The following TNFSF4 variants were observed in gnomAD, a reference collection of about 807,000 sequenced individuals.
TNFSF4 encodes TNF superfamily member 4.
TNFSF4 carries 4 observed loss-of-function variants against 7.3 expected under a neutral mutation model. The ratio of observed to expected loss-of-function variants is 0.55; its 90% CI spans 0.27 to 1.25. The LOEUF (loss-of-function observed/expected upper bound fraction) is 1.25, where lower values mean the gene tolerates loss of function less well. Among genes scored for constraint, TNFSF4 ranks in the 50% most tolerant of loss-of-function variants. The pLI, the probability that TNFSF4 is intolerant of heterozygous loss-of-function variation, is 0.12. For missense variants in TNFSF4, 181 were observed against 208.8 expected (o/e 0.87, Z 0.82); for synonymous variants, 76 against 83.7 (o/e 0.91, Z 0.50).
At chr1:173,395,367 C>CTG in the TNFSF4 span, among the ~76,000 whole-genome samples, 1 of 82,580 alleles carries the variant, frequency 1.2e-5, no homozygotes, top group East Asian at 5.3e-4. Context: ...AATGTGGTGA[C>CTG]TGTGTATATA....
the TNFSF4 span, among the ~76,000 whole-genome samples, chr1:173,312,124 T>C: frequency 6.6e-6 from 1 of 152,112 alleles, no homozygotes; most frequent in Non-Finnish European, 1.5e-5. Flanking sequence ...AGATAAGTCT[T>C]AGAAGAAAAG....
the TNFSF4 span, among the ~76,000 whole-genome samples, chr1:173,224,439 C>T: frequency 2.0e-4 from 31 of 152,138 alleles, no homozygotes; most frequent in East Asian, 1.2e-3. Flanking sequence ...CTGTCTGAAA[C>T]GAAAACACTT....
intron 1 of TNFSF4, among the ~76,000 whole-genome samples, chr1:173,197,250 T>A (rs937274804): frequency 2.0e-5 from 3 of 152,334 alleles, no homozygotes; most frequent in African/African-American, 7.2e-5. Flanking sequence ...GTTCAACCAT[T>A]GTAGAGGACT....
chr1:173,220,113 CA>C, the TNFSF4 span, among the ~76,000 whole-genome samples: 1 of 151,990 alleles, frequency 6.6e-6, no homozygotes, highest in Non-Finnish European at 1.5e-5. Context: ...GGATTTTATT[CA>C]AAGTGGTTTC....
the TNFSF4 span, among the ~76,000 whole-genome samples, chr1:173,336,696 GT>G: frequency 1.3e-5 from 2 of 152,104 alleles, no homozygotes; most frequent in South Asian, 4.1e-4. Flanking sequence ...ATTGGAACTA[GT>G]GAGCAAGAAG....
At chr1:173,366,165 T>C in the TNFSF4 span, among the ~76,000 whole-genome samples, 2 of 152,200 alleles carry the variant, frequency 1.3e-5, no homozygotes, top group African/African-American at 2.4e-5. Flanking sequence ...ATCGAAGAGA[T>C]ATCTGCACCC....
At chr1:173,187,577 G>A (rs1343728712) in intron 2 of TNFSF4, among the ~76,000 whole-genome samples, 1 of 152,172 alleles carries the variant, frequency 6.6e-6, no homozygotes, top group Non-Finnish European at 1.5e-5. Flanking sequence ...GGCTCTCAAA[G>A]CTGCAGGTGG....
At chr1:173,426,976 A>G in the TNFSF4 span, among the ~76,000 whole-genome samples, 1 of 152,228 alleles carries the variant, frequency 6.6e-6, no homozygotes, top group Non-Finnish European at 1.5e-5. Flanking sequence ...CTCTGAAGAC[A>G]AAGAAAAACG....
chr1:173,396,825 T>C, the TNFSF4 span, among the ~76,000 whole-genome samples: 1 of 152,230 alleles, frequency 6.6e-6, no homozygotes, highest in Non-Finnish European at 1.5e-5. Context: ...GCCCAGAAGA[T>C]AGACCTTTCA....
At chr1:173,299,874 T>TC in the TNFSF4 span, among the ~76,000 whole-genome samples, 1 of 151,706 alleles carries the variant, frequency 6.6e-6, no homozygotes, top group African/African-American at 2.4e-5. Context: ...TATAAGCAGT[T>TC]TTCTTGTAGT....
At chr1:173,327,180 T>A in the TNFSF4 span, among the ~76,000 whole-genome samples, 1 of 152,020 alleles carries the variant, frequency 6.6e-6, no homozygotes, top group Non-Finnish European at 1.5e-5. Context: ...TATAGACCAA[T>A]GGAACAGAAC....
At chr1:173,326,172 C>T in the TNFSF4 span, among the ~76,000 whole-genome samples, 3 of 152,184 alleles carry the variant, frequency 2.0e-5, no homozygotes, top group East Asian at 3.9e-4. Context: ...TCCACCATGA[C>T]CAAGTGGGCT....
chr1:173,245,283 G>C, the TNFSF4 span, among the ~76,000 whole-genome samples: 1 of 152,060 alleles, frequency 6.6e-6, no homozygotes, highest in African/African-American at 2.4e-5. Flanking sequence ...AAAATATTTT[G>C]CTGTTGCTGA....
At chr1:173,279,046 C>G in the TNFSF4 span, among the ~76,000 whole-genome samples, 2 of 152,108 alleles carry the variant, frequency 1.3e-5, no homozygotes, top group East Asian at 3.9e-4. Flanking sequence ...GTTGGAAGAT[C>G]TCACTTCTCC....
the TNFSF4 span, among the ~76,000 whole-genome samples, chr1:173,324,788 G>C: frequency 1.2e-4 from 18 of 152,134 alleles, no homozygotes; most frequent in Non-Finnish European, 2.4e-4. Flanking sequence ...TAATGGTAAA[G>C]GGATCAATTC....
chr1:173,186,241 T>C lies in TNFSF4; in HGVS notation c.*275A>G. 1 of 336,778 alleles carries C rather than the reference T, an allele frequency of 3.0e-6. No individual in the cohort carries two copies. Among genetic ancestry groups the C allele is most frequent in the Non-Finnish European group, 5.4e-6 (1 of 185,120 alleles). The allele number at this position is 336,778 out of a possible 1,614,324, so 20.9% of individuals were successfully genotyped here. A position where few individuals can be genotyped will look rare whatever the true frequency, so the allele number is the denominator to read the frequency against. On this transcript the variant is annotated 3_prime_UTR_variant, in exon 3 of 3. Coordinates refer to ENST00000281834, the MANE Select transcript of TNFSF4 (RefSeq NM_003326.5). ...TTGAAGAAGAGGCATCTATTTTTTC[T>C]TTCTCACAAAGGTGCCTAGTAGGCT...
chr1:173,275,828 A>G, the TNFSF4 span, among the ~76,000 whole-genome samples: 2 of 152,162 alleles, frequency 1.3e-5, no homozygotes, highest in African/African-American at 4.8e-5. Flanking sequence ...GGTTATCTGT[A>G]ATTTATTAAG....
chr1:173,214,852 A>G, the TNFSF4 span, among the ~76,000 whole-genome samples: 1 of 152,212 alleles, frequency 6.6e-6, no homozygotes, highest in Admixed American at 6.5e-5. Flanking sequence ...CATCTTTAAC[A>G]CAAGGAACCA....
chr1:173,177,445 G>T, the TNFSF4 span, among the ~76,000 whole-genome samples: 7 of 152,104 alleles, frequency 4.6e-5, no homozygotes, highest in Non-Finnish European at 7.3e-5. Context: ...CCTACTTGAG[G>T]GTAGAGTGTG....
Sources: allele counts gnomAD v4.1 joint callset (sites outside exome capture counted in the v4.1 genomes callset), GRCh38; gene constraint gnomAD v4.1.1; transcripts MANE v1.5; gene names NCBI Gene and HGNC (gene_info 2026-07-23, HGNC 2026-07-21).